Variants in SRGAP1 observed in about 807,000 individuals in gnomAD.
SRGAP1 encodes the protein SLIT-ROBO Rho GTPase activating protein 1.
Under a neutral mutation model 121.9 loss-of-function variants are expected in SRGAP1, and 43 were observed. The ratio of observed to expected loss-of-function variants is 0.35; its 90% confidence interval spans 0.28 to 0.46. The LOEUF (loss-of-function observed/expected upper bound fraction) is 0.46. SRGAP1 is among the 20% of genes least tolerant of loss of function. SRGAP1 has a pLI of 1.00. For synonymous variants in SRGAP1, 447 were observed against 485.4 expected (o/e 0.92, Z 1.04); for missense variants, 1,102 against 1,350.9 (o/e 0.82, Z 2.89).
rs1410238352 is a variant in SRGAP1, at chr12:64,155,494, A to G, written c.*12822A>G. Reference sequence around the variant, plus strand: ...GGGAGGTGGAGGTTGCAGTGAGCCAAGGTCACGCCACGGCACTCCAGCTTG... The same window carrying G: ...GGGAGGTGGAGGTTGCAGTGAGCCAGGGTCACGCCACGGCACTCCAGCTTG... On this transcript the variant is annotated 3_prime_UTR_variant, in exon 22 of 22. Coordinates refer to ENST00000355086, the MANE Select transcript of SRGAP1 (RefSeq NM_020762.4). The G allele has an allele frequency of 6.6e-6, 1 of 151,372 alleles. No homozygotes were observed. Among genetic ancestry groups the G allele is most frequent in the Admixed American group, 6.6e-5 (1 of 15,204 alleles). 9.4% of individuals were successfully genotyped at this position (151,372 alleles called of 1,614,324 possible).
In SRGAP1 at chr12:64,144,334, A is replaced by G. The variant is rs1420428425; in HGVS notation, c.*1662A>G. On this transcript the variant is annotated 3_prime_UTR_variant, in exon 22 of 22. Transcript: ENST00000355086. ...TGGTTTCATTTCAAACTGGCAGCCA[A>G]TTGCACGCCCATCTAAGAGCTACAC... 6.6e-6 allele frequency: 1 copy of G among 151,936 alleles called. No individual in the cohort carries two copies. Among genetic ancestry groups the G allele is most frequent in the African/African-American group, 2.4e-5 (1 of 41,346 alleles). The allele number at this position is 151,936 out of a possible 1,614,324, so 9.4% of individuals were successfully genotyped here. A position where few individuals can be genotyped will look rare whatever the true frequency, so the allele number is the denominator to read the frequency against.
At position 64,151,406 on chromosome 12, in the gene SRGAP1, G is replaced by A. The variant is rs2037118866; in HGVS notation, c.*8734G>A. Reference sequence around the variant, plus strand: ...TTCCTGTCACTGAGTGAGCCTGTTTGAAGGTTTTGTTTTTTTTTCAATTGA... The same window carrying A: ...TTCCTGTCACTGAGTGAGCCTGTTTAAAGGTTTTGTTTTTTTTTCAATTGA... On this transcript the variant is annotated 3_prime_UTR_variant, in exon 22 of 22. Transcript: ENST00000355086. 1 of 151,982 alleles carries A rather than the reference G, an allele frequency of 6.6e-6. No homozygotes were observed. Among genetic ancestry groups the A allele is most frequent in the Non-Finnish European group, 1.5e-5 (1 of 68,008 alleles). 9.4% of individuals were successfully genotyped at this position (151,982 alleles called of 1,614,324 possible). A position where few individuals can be genotyped will look rare whatever the true frequency, so the allele number is the denominator to read the frequency against.
At position 64,043,436 on chromosome 12, in the gene SRGAP1, C is replaced by G. The variant is rs200229886; in HGVS notation, c.673-11C>G. ...CATTCTTTCCCAATGCCTGGATCTT[C>G]TTCATTCCAGAGACAAGCAAAATAT... On this transcript the variant is annotated splice_polypyrimidine_tract_variant and intron_variant, in intron 5 of 21. Coordinates refer to ENST00000355086, the MANE Select transcript of SRGAP1 (RefSeq NM_020762.4). 373 of 1,604,460 alleles carry G rather than the reference C, an allele frequency of 2.3e-4. 5 individuals are homozygous for G. In the South Asian group the frequency reaches 4.0e-3, roughly 17 times the overall value.
At chr12:63,876,004 T>C (rs528050929) in intron 1 of SRGAP1, among the ~76,000 whole-genome samples, 1 of 152,336 alleles carries the variant, frequency 6.6e-6, no homozygotes, top group East Asian at 1.9e-4. Flanking sequence ...CTTTGCTGAA[T>C]ATAACTTAAA....
intron 1 of SRGAP1, among the ~76,000 whole-genome samples, chr12:63,891,664 C>A (rs1235776785): frequency 1.3e-5 from 2 of 152,000 alleles, no homozygotes; most frequent in African/African-American, 4.8e-5. Flanking sequence ...AAAATACTGA[C>A]AAAGGACGCA....
At chr12:63,899,805 G>A (rs1425490429) in intron 1 of SRGAP1, among the ~76,000 whole-genome samples, 2 of 152,210 alleles carry the variant, frequency 1.3e-5, no homozygotes, top group East Asian at 3.8e-4. Flanking sequence ...GTGTGCATGT[G>A]ATTTTAAAAA....
chr12:64,027,084 G>A (rs1437603962), intron 4 of SRGAP1, among the ~76,000 whole-genome samples: 2 of 152,018 alleles, frequency 1.3e-5, no homozygotes, highest in African/African-American at 4.8e-5. Context: ...CAGTTCAGGG[G>A]GCTTTCAGTC....
intron 1 of SRGAP1, among the ~76,000 whole-genome samples, chr12:63,940,750 T>G (rs2031836463): frequency 6.6e-6 from 1 of 152,224 alleles, no homozygotes. Flanking sequence ...GTTTGTTTCT[T>G]ACATTCCAGG....
intron 1 of SRGAP1, among the ~76,000 whole-genome samples, chr12:63,932,579 TAAC>T (rs918510901): frequency 1.6e-4 from 25 of 152,200 alleles, no homozygotes; most frequent in Non-Finnish European, 4.4e-5. Context: ...TAATAAATAA[TAAC>T]AAGTAAATAA....
At chr12:63,993,764 C>A (rs2033621142) in intron 3 of SRGAP1, among the ~76,000 whole-genome samples, 1 of 151,476 alleles carries the variant, frequency 6.6e-6, no homozygotes, top group Non-Finnish European at 1.5e-5. Context: ...TAATTCCATG[C>A]AGAGCTATAG....
chr12:64,029,357 A>T lies in SRGAP1; in HGVS notation c.489+12345A>T, dbSNP rs2136484532. Among the ~76,000 whole-genome samples, 3 of 152,348 alleles carry T rather than the reference A, an allele frequency of 2.0e-5. No homozygotes were observed. In the South Asian group the frequency reaches 6.2e-4, roughly 32 times the overall value. Reference sequence around the variant, plus strand: ...TTTTTATTGCATCCAAGTCTTAAACACTGAATGGCTGGGGATGGGTTCTTT... The same window carrying T: ...TTTTTATTGCATCCAAGTCTTAAACTCTGAATGGCTGGGGATGGGTTCTTT... On this transcript the variant is annotated intron_variant, in intron 4 of 21. Coordinates refer to ENST00000355086, the MANE Select transcript of SRGAP1 (RefSeq NM_020762.4).
chr12:63,891,983 CAAA>C (rs10716009), intron 1 of SRGAP1, among the ~76,000 whole-genome samples: 15 of 96,336 alleles, frequency 1.6e-4, no homozygotes, highest in Non-Finnish European at 2.3e-4. Flanking sequence ...AAGACTGTCT[CAAA>C]AAAAAAAAAA....
chr12:63,993,632 T>C (rs972932095), intron 3 of SRGAP1, among the ~76,000 whole-genome samples: 1 of 152,192 alleles, frequency 6.6e-6, no homozygotes, highest in Non-Finnish European at 1.5e-5. Flanking sequence ...TTATACAGTT[T>C]AGTCAATGAC....
At chr12:64,034,820 A>T (rs2034862239) in intron 4 of SRGAP1, among the ~76,000 whole-genome samples, 2 of 152,184 alleles carry the variant, frequency 1.3e-5, no homozygotes, top group African/African-American at 4.8e-5. Context: ...CATGAGTCGG[A>T]GCTCTTAACC....
At chr12:63,959,606 G>A (rs1209480468) in intron 1 of SRGAP1, among the ~76,000 whole-genome samples, 1 of 151,764 alleles carries the variant, frequency 6.6e-6, no homozygotes, top group Non-Finnish European at 1.5e-5. Flanking sequence ...ACTGTTAATG[G>A]GAGCCTTAGT....
chr12:64,139,251 G>T (rs992554182), intron 21 of SRGAP1, among the ~76,000 whole-genome samples: 1 of 152,184 alleles, frequency 6.6e-6, no homozygotes, highest in Non-Finnish European at 1.5e-5. Flanking sequence ...ATAGGAGACA[G>T]TACCACTTTC....
At chr12:63,932,291 C>CA (rs1166236091) in intron 1 of SRGAP1, among the ~76,000 whole-genome samples, 2 of 151,868 alleles carry the variant, frequency 1.3e-5, no homozygotes, top group Non-Finnish European at 2.9e-5. Context: ...AAAAAAACAA[C>CA]AAAAAAATAG....
At chr12:64,016,409 C>A (rs374845763) in intron 3 of SRGAP1, among the ~76,000 whole-genome samples, 2 of 152,118 alleles carry the variant, frequency 1.3e-5, no homozygotes, top group African/African-American at 4.8e-5. Context: ...ATTGCTTGAA[C>A]CCAGGGGTTC....
At chr12:64,014,153 T>C (rs139886531) in intron 3 of SRGAP1, among the ~76,000 whole-genome samples, 1 of 152,358 alleles carries the variant, frequency 6.6e-6, no homozygotes, top group Non-Finnish European at 1.5e-5. Flanking sequence ...ATATTCATTT[T>C]ACAGGTCAGG....
Sources: allele counts gnomAD v4.1 joint callset (sites outside exome capture counted in the v4.1 genomes callset), GRCh38; gene constraint gnomAD v4.1.1; transcripts MANE v1.5; gene names NCBI Gene and HGNC (gene_info 2026-07-23, HGNC 2026-07-21).